The following AGBL4 variants were observed in gnomAD, a reference collection of about 807,000 sequenced individuals.
The protein encoded by AGBL4 is cytosolic carboxypeptidase 6.
Under a neutral mutation model 66.4 loss-of-function variants are expected in AGBL4, and 58 were observed. That is an observed-to-expected ratio of 0.87 (90% confidence interval 0.71 to 1.09). AGBL4 has a LOEUF of 1.09. Ranked by LOEUF, AGBL4 falls within the 50% of genes least tolerant of loss-of-function variation. AGBL4 has a pLI of 0.00. For synonymous variants in AGBL4, 234 were observed against 222.9 expected (o/e 1.05, Z -0.44); for missense variants, 579 against 631.0 (o/e 0.92, Z 0.88).
At chr1:49,454,714 G>A (rs2148687817) in intron 3 of AGBL4, among the ~76,000 whole-genome samples, 1 of 151,724 alleles carries the variant, frequency 6.6e-6, no homozygotes, top group Non-Finnish European at 1.5e-5. Context: ...GTGAGGGTTG[G>A]TAAGGGTTAC....
Position 48,818,288 on chromosome 1 carries a change from T to G in AGBL4, c.634+48903A>C, listed in dbSNP as rs1646233170. The G allele has an allele frequency of 5.6e-6, 4 of 716,912 alleles. 1 individual carries two copies. The South Asian group carries it at 5.9e-5, about 11-fold the overall frequency. The allele number at this position is 716,912 out of a possible 1,614,324, so 44.4% of individuals were successfully genotyped here. On this transcript the variant is annotated intron_variant, in intron 6 of 13. Transcript: ENST00000371839. ...CAATATTATCTCCGTGGCATCTACT[T>G]CACCGAAGGAAAATATTTATGGCCA...
At chr1:49,517,581 T>C (rs1649934519) in intron 3 of AGBL4, among the ~76,000 whole-genome samples, 1 of 151,970 alleles carries the variant, frequency 6.6e-6, no homozygotes, top group South Asian at 2.1e-4. Context: ...CCAGGCACTA[T>C]GCTAGGAGCG....
intron 3 of AGBL4, among the ~76,000 whole-genome samples, chr1:49,457,100 T>G (rs2148691449): frequency 6.6e-6 from 1 of 151,944 alleles, no homozygotes; most frequent in East Asian, 1.9e-4. Context: ...AGTAGTGGGA[T>G]TGCTGGATCA....
intron 8 of AGBL4, among the ~76,000 whole-genome samples, chr1:48,652,283 T>C (rs1028293329): frequency 2.0e-5 from 3 of 152,132 alleles, no homozygotes; most frequent in Non-Finnish European, 4.4e-5. Context: ...CAATTCTGTT[T>C]AGGGTTTAAG....
intron 6 of AGBL4, among the ~76,000 whole-genome samples, chr1:48,700,955 G>A (rs1006122078): frequency 1.3e-5 from 2 of 152,118 alleles, no homozygotes; most frequent in Admixed American, 6.5e-5. Flanking sequence ...AGAACACAGT[G>A]CCAGTGAAAG....
At chr1:48,648,256 C>T (rs1347731633) in intron 8 of AGBL4, among the ~76,000 whole-genome samples, 1 of 152,204 alleles carries the variant, frequency 6.6e-6, no homozygotes, top group Admixed American at 6.5e-5. Flanking sequence ...CACCGTTCTG[C>T]TTTCTGTCTG....
intron 6 of AGBL4, among the ~76,000 whole-genome samples, chr1:48,716,217 C>T (rs952692113): frequency 4.9e-4 from 74 of 152,218 alleles, no homozygotes; most frequent in Non-Finnish European, 2.9e-4. Context: ...GACTGGATTA[C>T]GAGGAGGGAA....
intron 5 of AGBL4, among the ~76,000 whole-genome samples, chr1:48,909,870 A>G (rs894709897): frequency 3.3e-5 from 5 of 152,184 alleles, no homozygotes; most frequent in African/African-American, 1.2e-4. Context: ...ATTTATGTTT[A>G]TGTTTCCTAT....
chr1:49,854,401 G>C (rs549435980), intron 1 of AGBL4, among the ~76,000 whole-genome samples: 1 of 152,100 alleles, frequency 6.6e-6, no homozygotes, highest in South Asian at 2.1e-4. Flanking sequence ...GTAAGTAAAA[G>C]ATCCCCAGTG....
At chr1:49,700,332 T>C (rs933812921) in intron 2 of AGBL4, among the ~76,000 whole-genome samples, 3 of 146,256 alleles carry the variant, frequency 2.1e-5, no homozygotes, top group East Asian at 2.0e-4. Flanking sequence ...GATAGATAGA[T>C]AGATAGATAG....
At chr1:48,782,244 C>T (rs1465101031) in intron 6 of AGBL4, among the ~76,000 whole-genome samples, 1 of 152,190 alleles carries the variant, frequency 6.6e-6, no homozygotes, top group African/African-American at 2.4e-5. Context: ...GCCTTTCATC[C>T]AAGTCATTTT....
Position 49,708,571 on chromosome 1 carries a change from T to C in AGBL4, c.158-11134A>G, listed in dbSNP as rs937239084. On this transcript the variant is annotated intron_variant, in intron 2 of 13. Transcript: ENST00000371839. Reference sequence around the variant, plus strand: ...TACTTCTGTCAATTCATCAAACTCATTCTCCATCCAGTTTTGTTCCCTTGC... The same window carrying C: ...TACTTCTGTCAATTCATCAAACTCACTCTCCATCCAGTTTTGTTCCCTTGC... Among the ~76,000 whole-genome samples the C allele has an allele frequency of 3.9e-5, 6 of 152,262 alleles. No homozygotes were observed. In the East Asian group the frequency reaches 1.2e-3, roughly 29 times the overall value.
chr1:49,254,542 A>G (rs2148344399), intron 3 of AGBL4, among the ~76,000 whole-genome samples: 1 of 152,342 alleles, frequency 6.6e-6, no homozygotes, highest in African/African-American at 2.4e-5. Flanking sequence ...AAAACATTCC[A>G]TGTTCATGGA....
At chr1:49,390,951 C>T (rs1212195457) in intron 3 of AGBL4, among the ~76,000 whole-genome samples, 7 of 152,170 alleles carry the variant, frequency 4.6e-5, no homozygotes, top group Non-Finnish European at 8.8e-5. Flanking sequence ...AAGGCCCTTA[C>T]ACCAGGCTGC....
chr1:49,108,213 T>C (rs1645336088), intron 4 of AGBL4, among the ~76,000 whole-genome samples: 2 of 152,182 alleles, frequency 1.3e-5, no homozygotes, highest in African/African-American at 4.8e-5. Flanking sequence ...TTGTTACCTA[T>C]GAATTCTTTT....
At chr1:49,275,641 C>A (rs951701338) in intron 3 of AGBL4, among the ~76,000 whole-genome samples, 3 of 152,012 alleles carry the variant, frequency 2.0e-5, no homozygotes, top group Non-Finnish European at 4.4e-5. Context: ...TCAGAAAAAA[C>A]CTATAGTATA....
chr1:49,623,045 T>C (rs1645398021), intron 3 of AGBL4, among the ~76,000 whole-genome samples: 2 of 152,182 alleles, frequency 1.3e-5, no homozygotes, highest in South Asian at 4.1e-4. Flanking sequence ...AATTAGATTA[T>C]ATTACTGATT....
chr1:49,387,994 G>A (rs1040805685), intron 3 of AGBL4, among the ~76,000 whole-genome samples: 5 of 151,956 alleles, frequency 3.3e-5, no homozygotes, highest in African/African-American at 9.7e-5. Context: ...GATATAAGAT[G>A]CCCAATACAC....
At chr1:49,259,337 C>G (rs551527676) in intron 3 of AGBL4, among the ~76,000 whole-genome samples, 1 of 152,020 alleles carries the variant, frequency 6.6e-6, no homozygotes, top group Non-Finnish European at 1.5e-5. Context: ...GGACTAAATG[C>G]TCCAATTAAA....
Sources: allele counts gnomAD v4.1 joint callset (sites outside exome capture counted in the v4.1 genomes callset), GRCh38; gene constraint gnomAD v4.1.1; transcripts MANE v1.5; gene names NCBI Gene and HGNC (gene_info 2026-07-23, HGNC 2026-07-21).